Variants in FBXL7 observed in about 807,000 individuals in gnomAD.
FBXL7 encodes F-box and leucine rich repeat protein 7.
In FBXL7, 12 loss-of-function variants were observed where a neutral mutation model predicts 38.3. That is an observed-to-expected ratio of 0.31 (90% CI 0.20 to 0.51). The LOEUF (loss-of-function observed/expected upper bound fraction) is 0.51, where lower values mean the gene tolerates loss of function less well. FBXL7 is among the 20% of genes least tolerant of loss of function. The pLI is 0.98. For synonymous variants in FBXL7, 297 were observed against 300.9 expected (o/e 0.99, Z 0.13); for missense variants, 567 against 676.4 (o/e 0.84, Z 1.79).
chr5:15,523,558 C>CAA (rs756116546), intron 1 of FBXL7, among the ~76,000 whole-genome samples: 65 of 130,270 alleles, frequency 5.0e-4, no homozygotes, highest in African/African-American at 1.6e-3. Context: ...GACTCTGTCT[C>CAA]AAAAAAAAAA....
At chr5:15,924,670 G>A (rs1471883885) in intron 2 of FBXL7, among the ~76,000 whole-genome samples, 1 of 139,990 alleles carries the variant, frequency 7.1e-6, no homozygotes. Flanking sequence ...GTTTCACTGT[G>A]CAGTGGCACA....
chr5:15,656,879 T>C (rs1741900086), intron 2 of FBXL7, among the ~76,000 whole-genome samples: 1 of 152,156 alleles, frequency 6.6e-6, no homozygotes, highest in Non-Finnish European at 1.5e-5. Flanking sequence ...AATCTGGAAA[T>C]GACTTATGTA....
intron 2 of FBXL7, among the ~76,000 whole-genome samples, chr5:15,858,051 T>A (rs1217009550): frequency 6.6e-6 from 1 of 152,136 alleles, no homozygotes; most frequent in Admixed American, 6.6e-5. Context: ...AGTTTGGATT[T>A]CTTTCCAAGT....
chr5:15,894,212 G>A (rs1741024143), intron 2 of FBXL7, among the ~76,000 whole-genome samples: 1 of 152,240 alleles, frequency 6.6e-6, no homozygotes, highest in Admixed American at 6.5e-5. Flanking sequence ...GGTGAGCCGA[G>A]ATCGCACCAT....
chr5:15,830,045 T>A (rs1738411343), intron 2 of FBXL7, among the ~76,000 whole-genome samples: 1 of 152,180 alleles, frequency 6.6e-6, no homozygotes, highest in Admixed American at 6.5e-5. Context: ...TTTGCCCAGA[T>A]CTCCCCCTGT....
At chr5:15,503,699 C>G (rs941165822) in intron 1 of FBXL7, among the ~76,000 whole-genome samples, 1 of 152,126 alleles carries the variant, frequency 6.6e-6, no homozygotes, top group Non-Finnish European at 1.5e-5. Flanking sequence ...GCGAATTGTT[C>G]GTTGCTCAAT....
intron 2 of FBXL7, among the ~76,000 whole-genome samples, chr5:15,899,106 GC>G (rs1741174594): frequency 6.6e-6 from 1 of 151,850 alleles, no homozygotes; most frequent in African/African-American, 2.4e-5. Context: ...TGCTTTTGTT[GC>G]CCAGGCTGGA....
chr5:15,878,283 A>G (rs940571326), intron 2 of FBXL7, among the ~76,000 whole-genome samples: 1 of 152,186 alleles, frequency 6.6e-6, no homozygotes, highest in African/African-American at 2.4e-5. Flanking sequence ...GGGAGATGTC[A>G]ATATTTCTGT....
intron 2 of FBXL7, among the ~76,000 whole-genome samples, chr5:15,879,879 T>A (rs909212615): frequency 6.6e-6 from 1 of 152,202 alleles, no homozygotes; most frequent in Admixed American, 6.5e-5. Context: ...ATCACCTATC[T>A]TCATGGTTTT....
chr5:15,818,737 TGTGTGTGAGAGA>T (rs149456213), intron 2 of FBXL7, among the ~76,000 whole-genome samples: 24,731 of 114,960 alleles, frequency 0.22, 2,380 homozygotes, highest in East Asian at 0.41. Context: ...TGTGTGTGTG[TGTGTGTGAGAGA>T]GAGAGAGATT....
intron 2 of FBXL7, among the ~76,000 whole-genome samples, chr5:15,660,128 A>G (rs967915377): frequency 6.6e-6 from 1 of 152,188 alleles, no homozygotes; most frequent in Non-Finnish European, 1.5e-5. Flanking sequence ...CATTTCCATC[A>G]GCAACGGTGT....
At chr5:15,784,759 G>A (rs80094993) in intron 2 of FBXL7, among the ~76,000 whole-genome samples, 2 of 152,102 alleles carry the variant, frequency 1.3e-5, no homozygotes, top group Admixed American at 6.5e-5. Context: ...CCTAGAAGCC[G>A]AGCAGATGCT....
At chr5:15,903,804 A>G (rs1370077098) in intron 2 of FBXL7, among the ~76,000 whole-genome samples, 4 of 152,224 alleles carry the variant, frequency 2.6e-5, no homozygotes, top group Non-Finnish European at 5.9e-5. Flanking sequence ...GGACAGTGCC[A>G]TTAATTCATT....
intron 1 of FBXL7, among the ~76,000 whole-genome samples, chr5:15,517,131 A>G (rs1224656892): frequency 1.3e-5 from 2 of 151,774 alleles, no homozygotes; most frequent in East Asian, 1.9e-4. Context: ...GGTTCACGCC[A>G]TTCTCCTGCC....
chr5:15,860,515 A>T (rs536949217), intron 2 of FBXL7, among the ~76,000 whole-genome samples: 1 of 152,176 alleles, frequency 6.6e-6, no homozygotes, highest in African/African-American at 2.4e-5. Context: ...GATAATATTT[A>T]ATTCTTTAGG....
At chr5:15,557,062 C>G (rs1738263646) in intron 1 of FBXL7, among the ~76,000 whole-genome samples, 1 of 152,164 alleles carries the variant, frequency 6.6e-6, no homozygotes. Context: ...CTCAGCCTCC[C>G]CAGTAGCTGG....
At chr5:15,754,232 A>G (rs1561113211) in intron 2 of FBXL7, among the ~76,000 whole-genome samples, 1 of 152,222 alleles carries the variant, frequency 6.6e-6, no homozygotes, top group Non-Finnish European at 1.5e-5. Flanking sequence ...CTCTGTGGCT[A>G]GAATGATCTG....
At chr5:15,505,851 G>A (rs1736630704) in intron 1 of FBXL7, among the ~76,000 whole-genome samples, 1 of 152,132 alleles carries the variant, frequency 6.6e-6, no homozygotes, top group East Asian at 1.9e-4. Context: ...ATCCGCTGGG[G>A]ATGAATTCTG....
intron 2 of FBXL7, among the ~76,000 whole-genome samples, chr5:15,714,790 A>T (rs1475220885): frequency 7.1e-6 from 1 of 141,282 alleles, no homozygotes. Flanking sequence ...CAGAGCTTGC[A>T]GTGAGCCGAG....
Sources: gnomAD v4.1 joint callset for allele counts (sites outside exome capture counted in the v4.1 genomes callset) on GRCh38, gnomAD v4.1.1 for gene constraint, MANE v1.5 for transcripts, NCBI Gene and HGNC (gene_info 2026-07-23, HGNC 2026-07-21) for gene names.